The following ARHGEF10L variants were observed in gnomAD, a reference collection of about 807,000 sequenced individuals.
ARHGEF10L encodes the protein rho guanine nucleotide exchange factor 10-like protein.
A neutral mutation model predicts 141.2 loss-of-function variants in ARHGEF10L; 69 were observed. The ratio of observed to expected loss-of-function variants is 0.49; its 90% CI spans 0.40 to 0.60. The LOEUF (loss-of-function observed/expected upper bound fraction) is 0.60. ARHGEF10L is among the 20% of genes least tolerant of loss of function. ARHGEF10L has a pLI of 0.00. For synonymous variants in ARHGEF10L, 711 were observed against 718.5 expected, an observed-to-expected ratio of 0.99 and a Z score of 0.17; for missense variants, 1,482 against 1,734.3, an observed-to-expected ratio of 0.85 and a Z score of 2.58.
intron 25 of ARHGEF10L, among the ~76,000 whole-genome samples, chr1:17,662,776 C>A (rs775776367): frequency 6.6e-6 from 1 of 152,094 alleles, no homozygotes. Context: ...ACCCTGGGGC[C>A]CTTCCGGCTT....
At chr1:17,581,809 G>A (rs766940061) in intron 2 of ARHGEF10L, among the ~76,000 whole-genome samples, 3 of 151,088 alleles carry the variant, frequency 2.0e-5, no homozygotes, top group Non-Finnish European at 4.4e-5. Flanking sequence ...GACAGACAGC[G>A]TGTGCCATGC....
chr1:17,557,033 TAAA>T (rs370811589), intron 1 of ARHGEF10L, among the ~76,000 whole-genome samples: 5 of 119,074 alleles, frequency 4.2e-5, no homozygotes, highest in Admixed American at 8.7e-5. Flanking sequence ...CTCCATCTCT[TAAA>T]AAAAAAAAAA....
chr1:17,562,566 A>G (rs2077584178), intron 1 of ARHGEF10L, among the ~76,000 whole-genome samples: 2 of 152,254 alleles, frequency 1.3e-5, no homozygotes, highest in South Asian at 4.1e-4. Context: ...GCATTCATTT[A>G]TTCCTGGCTA....
At chr1:17,676,097 G>A (rs1192848379) in intron 26 of ARHGEF10L, among the ~76,000 whole-genome samples, 11 of 138,352 alleles carry the variant, frequency 8.0e-5, no homozygotes, top group African/African-American at 3.0e-4. Context: ...TGCGGGTGTA[G>A]GTGCAGGTGT....
At chr1:17,696,364 C>T (rs1013270020) in intron 28 of ARHGEF10L, among the ~76,000 whole-genome samples, 3 of 152,112 alleles carry the variant, frequency 2.0e-5, no homozygotes, top group African/African-American at 7.2e-5. Flanking sequence ...GGCAGAGACC[C>T]TGCTCTCAAC....
At chr1:17,686,521 G>A (rs58554405) in intron 26 of ARHGEF10L, among the ~76,000 whole-genome samples, 1,538 of 152,310 alleles carry the variant, frequency 0.01, 37 homozygotes, top group African/African-American at 0.035. Context: ...GGTCCGTGGC[G>A]GGGTGGGGCC....
intron 16 of ARHGEF10L, among the ~76,000 whole-genome samples, chr1:17,633,918 C>T (rs1011826115): frequency 2.0e-5 from 3 of 152,104 alleles, no homozygotes; most frequent in African/African-American, 7.2e-5. Context: ...ACTCATTCAC[C>T]ATCCACCCAT....
At chr1:17,590,847 C>T (rs2079471823) in intron 4 of ARHGEF10L, among the ~76,000 whole-genome samples, 1 of 152,112 alleles carries the variant, frequency 6.6e-6, no homozygotes, top group South Asian at 2.1e-4. Context: ...ATTAGCCGGT[C>T]CTGGTGAACG....
chr1:17,526,670 G>T, the ARHGEF10L span, among the ~76,000 whole-genome samples: 1 of 152,158 alleles, frequency 6.6e-6, no homozygotes, highest in African/African-American at 2.4e-5. Flanking sequence ...TGGGGAGGCC[G>T]AGGTGGGCAG....
chr1:17,536,207 C>A (rs958707217), upstream of ARHGEF10L, among the ~76,000 whole-genome samples: 4 of 152,170 alleles, frequency 2.6e-5, no homozygotes, highest in African/African-American at 9.7e-5. Context: ...GGGCAGGGCA[C>A]AATGGCTCAC....
At chr1:17,544,736 A>G (rs998696022) in intron 1 of ARHGEF10L, among the ~76,000 whole-genome samples, 1 of 151,872 alleles carries the variant, frequency 6.6e-6, no homozygotes, top group African/African-American at 2.4e-5. Flanking sequence ...TCATACTGCT[A>G]TTTTCATACT....
At chr1:17,681,518 G>T (rs1196320537) in intron 26 of ARHGEF10L, among the ~76,000 whole-genome samples, 1 of 152,130 alleles carries the variant, frequency 6.6e-6, no homozygotes, top group East Asian at 1.9e-4. Context: ...TCATGATATT[G>T]ACTTTGTTGA....
intron 25 of ARHGEF10L, among the ~76,000 whole-genome samples, chr1:17,661,372 C>A (rs573560255): frequency 6.6e-6 from 1 of 152,370 alleles, no homozygotes; most frequent in South Asian, 2.1e-4. Flanking sequence ...GCCACCGTAC[C>A]CGGCCTTTAT....
At chr1:17,517,832 T>C in the ARHGEF10L span, among the ~76,000 whole-genome samples, 3 of 152,138 alleles carry the variant, frequency 2.0e-5, no homozygotes, top group Admixed American at 6.6e-5. Context: ...GGCTAATTTT[T>C]TGTATTTTTA....
intron 1 of ARHGEF10L, among the ~76,000 whole-genome samples, chr1:17,578,333 G>A (rs993947595): frequency 2.6e-5 from 4 of 152,156 alleles, no homozygotes; most frequent in East Asian, 3.8e-4. Flanking sequence ...AGTTTTCAGC[G>A]TGGGTCTAAA....
At chr1:17,521,778 G>T in the ARHGEF10L span, among the ~76,000 whole-genome samples, 1 of 152,140 alleles carries the variant, frequency 6.6e-6, no homozygotes, top group Non-Finnish European at 1.5e-5. Flanking sequence ...TGCTGTACTT[G>T]GCTGCTACCA....
rs1265655908 is a variant in ARHGEF10L, at chr1:17,558,080, A to C, written c.-44+18130A>C. ...CACCCACCCGTGCATCCATCTGTCC[A>C]TCTGTCCATCTGTCTACCCGTTTGT... On this transcript the variant is annotated intron_variant, in intron 1 of 28. Coordinates refer to ENST00000361221, the MANE Select transcript of ARHGEF10L (RefSeq NM_018125.4). This position sits in a 1 kb window ranked among gnomAD's most constrained non-coding sequence, Gnocchi z 4.2. 6.6e-6 allele frequency among the ~76,000 whole-genome samples: 1 copy of C among 151,908 alleles called. No homozygotes were observed. The highest frequency in any genetic ancestry group is 2.4e-5 in the African/African-American group (1 of 41,328).
intron 1 of ARHGEF10L, among the ~76,000 whole-genome samples, chr1:17,570,088 C>T (rs2077930300): frequency 6.6e-6 from 1 of 152,210 alleles, no homozygotes; most frequent in Non-Finnish European, 1.5e-5. Flanking sequence ...GCCTCCTCCC[C>T]AGGGGCCCGA....
the ARHGEF10L span, among the ~76,000 whole-genome samples, chr1:17,519,592 A>G: frequency 6.6e-6 from 1 of 151,962 alleles, no homozygotes; most frequent in Non-Finnish European, 1.5e-5. Flanking sequence ...TGTGACAGAG[A>G]GAGCCCTTGC....
Sources: gnomAD v4.1 joint callset for allele counts (sites outside exome capture counted in the v4.1 genomes callset) on GRCh38, gnomAD v4.1.1 for gene constraint, Gnocchi (gnomAD v3.1) non-coding constraint, MANE v1.5 for transcripts, NCBI Gene and HGNC (gene_info 2026-07-23, HGNC 2026-07-21) for gene names.